Variants in SUGCT observed in about 807,000 individuals in gnomAD.
The protein encoded by SUGCT is succinyl-CoA:glutarate CoA-transferase.
Under a neutral mutation model 55.0 loss-of-function variants are expected in SUGCT, and 41 were observed. That is an observed-to-expected ratio of 0.74 (90% CI 0.58 to 0.97). SUGCT has a LOEUF of 0.97. Ranked by LOEUF, SUGCT falls within the 50% of genes least tolerant of loss-of-function variation. The pLI, the probability that SUGCT is intolerant of heterozygous loss-of-function variation, is 0.00. For synonymous variants in SUGCT, 187 were observed against 200.4 expected (o/e 0.93, Z 0.56); for missense variants, 568 against 547.8 (o/e 1.04, Z -0.37).
At chr7:40,399,188 A>G (rs1222821304) in intron 9 of SUGCT, among the ~76,000 whole-genome samples, 2 of 152,190 alleles carry the variant, frequency 1.3e-5, no homozygotes, top group Admixed American at 6.5e-5. Flanking sequence ...TATTTATACT[A>G]ATTTCTTATT....
intron 9 of SUGCT, among the ~76,000 whole-genome samples, chr7:40,440,977 A>T (rs563566067): frequency 6.6e-6 from 1 of 152,008 alleles, no homozygotes; most frequent in Non-Finnish European, 1.5e-5. Flanking sequence ...AAAAGATCTC[A>T]CTGGGTTTTG....
At chr7:40,561,684 G>A (rs1219546894) in intron 12 of SUGCT, among the ~76,000 whole-genome samples, 1 of 146,480 alleles carries the variant, frequency 6.8e-6, no homozygotes, top group Admixed American at 6.8e-5. Context: ...TGCTTAAGCC[G>A]AGTCTTTTTT....
At chr7:41,034,627 C>A in the SUGCT span, among the ~76,000 whole-genome samples, 2 of 152,210 alleles carry the variant, frequency 1.3e-5, no homozygotes, top group Admixed American at 1.3e-4. Context: ...CACCATTTAA[C>A]ATGAGCTCTT....
At chr7:40,335,558 T>A (rs1584711436) in intron 9 of SUGCT, among the ~76,000 whole-genome samples, 1 of 152,138 alleles carries the variant, frequency 6.6e-6, no homozygotes, top group African/African-American at 2.4e-5. Context: ...TTGTCTGTTA[T>A]TGGTGTATAA....
At chr7:40,345,105 A>T (rs941470822) in intron 9 of SUGCT, among the ~76,000 whole-genome samples, 1 of 152,228 alleles carries the variant, frequency 6.6e-6, no homozygotes, top group Non-Finnish European at 1.5e-5. Context: ...GTTTCTACAG[A>T]GAACTCTGGG....
rs140628371 is a variant in SUGCT, at chr7:40,713,691, C to T, written c.1090-35743C>T. Among the ~76,000 whole-genome samples the T allele has an allele frequency of 5.0e-3, 760 of 152,288 alleles. 7 individuals are homozygous for T. The highest frequency in any genetic ancestry group is 6.4e-3 in the Non-Finnish European group (437 of 68,034). ...CCATCTTCATATTCTGTAGCATGTG[C>T]AAATCCTTCTCTGCACTTACACATC... On this transcript the variant is annotated intron_variant, in intron 12 of 13. Transcript: ENST00000335693.
chr7:40,164,624 A>G (rs527682566), intron 1 of SUGCT, among the ~76,000 whole-genome samples: 249 of 152,290 alleles, frequency 1.6e-3, no homozygotes, highest in Non-Finnish European at 3.0e-3. Flanking sequence ...CTGAAAATTC[A>G]TGTCCCCTCT....
chr7:40,875,605 A>T, the SUGCT span, among the ~76,000 whole-genome samples: 1 of 152,360 alleles, frequency 6.6e-6, no homozygotes, highest in African/African-American at 2.4e-5. Flanking sequence ...TGTCATTTCA[A>T]GACCTTTGAG....
At chr7:40,405,808 TAAAA>T (rs60966218) in intron 9 of SUGCT, among the ~76,000 whole-genome samples, 1 of 90,940 alleles carries the variant, frequency 1.1e-5, no homozygotes. Context: ...AGACTCTGTC[TAAAA>T]AAAAAAAAAA....
intron 9 of SUGCT, among the ~76,000 whole-genome samples, chr7:40,445,223 A>T (rs914922004): frequency 6.6e-6 from 1 of 152,194 alleles, no homozygotes; most frequent in Non-Finnish European, 1.5e-5. Flanking sequence ...GCTTTTTGAA[A>T]AGATCAACAA....
intron 12 of SUGCT, among the ~76,000 whole-genome samples, chr7:40,640,951 A>T (rs1800243498): frequency 6.6e-6 from 1 of 152,236 alleles, no homozygotes; most frequent in Non-Finnish European, 1.5e-5. Flanking sequence ...TCAAGACTTT[A>T]AAACTATCAG....
At chr7:40,319,085 G>A (rs1335288652) in intron 9 of SUGCT, among the ~76,000 whole-genome samples, 1 of 152,124 alleles carries the variant, frequency 6.6e-6, no homozygotes, top group Non-Finnish European at 1.5e-5. Context: ...GTCTGTGTTT[G>A]TCTGTTCTTC....
chr7:40,788,920 A>G (rs1790172907), intron 13 of SUGCT, among the ~76,000 whole-genome samples: 2 of 152,192 alleles, frequency 1.3e-5, no homozygotes, highest in Admixed American at 1.3e-4. Context: ...TTGAATAATT[A>G]TTAGAATTAT....
At chr7:40,703,472 A>G (rs1785259360) in intron 12 of SUGCT, among the ~76,000 whole-genome samples, 1 of 152,036 alleles carries the variant, frequency 6.6e-6, no homozygotes, top group African/African-American at 2.4e-5. Context: ...CTCTATATAT[A>G]CATACTCAAA....
At chr7:40,215,633 C>T (rs542383090) in intron 6 of SUGCT, among the ~76,000 whole-genome samples, 15 of 152,188 alleles carry the variant, frequency 9.9e-5, no homozygotes, top group African/African-American at 2.6e-4. Flanking sequence ...GAGGCTGAGG[C>T]GGGTGGATCA....
chr7:40,676,455 C>T (rs376626669), intron 12 of SUGCT, among the ~76,000 whole-genome samples: 122 of 150,834 alleles, frequency 8.1e-4, no homozygotes, highest in African/African-American at 2.8e-3. Context: ...TGTTACTCAT[C>T]GAAGCAGAGA....
intron 8 of SUGCT, among the ~76,000 whole-genome samples, chr7:40,304,216 T>C (rs1161055396): frequency 6.6e-6 from 1 of 151,958 alleles, no homozygotes. Context: ...AATGAATCAC[T>C]CCTATGGAAG....
chr7:40,381,995 A>T (rs1784897779), intron 9 of SUGCT, among the ~76,000 whole-genome samples: 1 of 151,804 alleles, frequency 6.6e-6, no homozygotes, highest in South Asian at 2.1e-4. Context: ...GATTCCTACC[A>T]TCAAGGGACG....
intron 9 of SUGCT, among the ~76,000 whole-genome samples, chr7:40,334,592 A>T (rs1461573898): frequency 6.6e-6 from 1 of 151,918 alleles, no homozygotes; most frequent in Non-Finnish European, 1.5e-5. Flanking sequence ...CACTTTTTGA[A>T]GGGGTTGTTT....
Sources: allele counts gnomAD v4.1 joint callset (sites outside exome capture counted in the v4.1 genomes callset), GRCh38; gene constraint gnomAD v4.1.1; transcripts MANE v1.5; gene names NCBI Gene and HGNC (gene_info 2026-07-23, HGNC 2026-07-21).